The following SHROOM3 variants were observed in gnomAD, a reference collection of about 807,000 sequenced individuals.
SHROOM3 encodes protein Shroom3.
In SHROOM3, 47 loss-of-function variants were observed where a neutral mutation model predicts 138.6. The observed-to-expected ratio is 0.34, with a 90% confidence interval of 0.27 to 0.43. SHROOM3 has a LOEUF of 0.43. SHROOM3 is among the 20% of genes least tolerant of loss of function. The probability of loss-of-function intolerance (pLI) is 1.00; values close to 1 mark genes in which losing one functional copy is unlikely to be tolerated. For synonymous variants in SHROOM3, 1,062 were observed against 1,063.3 expected, an observed-to-expected ratio of 1.00 and a Z score of 0.02; for missense variants, 2,491 against 2,596.5, an observed-to-expected ratio of 0.96 and a Z score of 0.88.
intron 9 of SHROOM3, 123 bp from the exon 10 acceptor site, chr4:76,770,503 T>C: frequency 1.7e-6 from 2 of 1,181,356 alleles, no homozygotes; most frequent in African/African-American, 1.5e-5. Flanking sequence ...ACACTCCATA[T>C]AGAGAAGGGG....
intron 2 of SHROOM3, among the ~76,000 whole-genome samples, chr4:76,641,453 C>G (rs1378734803): frequency 2.0e-5 from 3 of 152,074 alleles, no homozygotes; most frequent in African/African-American, 7.2e-5. Flanking sequence ...GGCCTGTATG[C>G]CCATAGGAAG....
intron 2 of SHROOM3, among the ~76,000 whole-genome samples, chr4:76,575,903 C>T (rs1036259038): frequency 6.6e-6 from 1 of 152,082 alleles, no homozygotes; most frequent in African/African-American, 2.4e-5. Flanking sequence ...TGCTCAACAT[C>T]ATTGATTATT....
chr4:76,444,344 G>C (rs996574199), intron 1 of SHROOM3, among the ~76,000 whole-genome samples: 1 of 150,902 alleles, frequency 6.6e-6, no homozygotes, highest in Admixed American at 6.6e-5. Flanking sequence ...ATAGAAAAAA[G>C]CTTACATCCC....
At chr4:76,692,427 A>G (rs1017181457) in intron 2 of SHROOM3, among the ~76,000 whole-genome samples, 1 of 152,242 alleles carries the variant, frequency 6.6e-6, no homozygotes, top group Admixed American at 6.5e-5. Flanking sequence ...TGCCATTCTG[A>G]AGGTGTAGAG....
In SHROOM3 at chr4:76,739,030, T is replaced by C; in HGVS notation, c.857T>C (p.Met286Thr). Residue 286 changes from methionine to threonine, a missense_variant, in exon 5 of 11, where the codon ATG becomes ACG. Around this residue, in one of 4 missense-constraint regions of SHROOM3, gnomAD observed 1,733 missense variants for 1,661.6 expected, o/e 1.04. Transcript: ENST00000296043. Reference protein sequence around the residue: ...GISGRERSGSMDNTSARGGLL... With the variant: ...GISGRERSGSTDNTSARGGLL... ...TCTGGCCGGGAGCGTTCAGGCTCCATGGACAATACTTCTGCTCGAGGTGGC... is the reference window on the plus strand; with the variant it reads ...TCTGGCCGGGAGCGTTCAGGCTCCACGGACAATACTTCTGCTCGAGGTGGC... The C allele has an allele frequency of 6.2e-7, 1 of 1,614,226 alleles. No homozygotes were observed. The highest frequency in any genetic ancestry group is 8.5e-7 in the Non-Finnish European group (1 of 1,180,032).
intron 10 of SHROOM3, among the ~76,000 whole-genome samples, chr4:76,777,389 T>C (rs548767793): frequency 2.0e-5 from 3 of 152,252 alleles, no homozygotes; most frequent in Non-Finnish European, 4.4e-5. Flanking sequence ...TTGATTTTAT[T>C]CTCAGCTTGG....
chr4:76,721,267 C>T (rs1158370641), intron 3 of SHROOM3, among the ~76,000 whole-genome samples: 2 of 151,172 alleles, frequency 1.3e-5, no homozygotes, highest in Non-Finnish European at 2.9e-5. Context: ...GCCGAGATCC[C>T]GCCACTGCAC....
intron 4 of SHROOM3, among the ~76,000 whole-genome samples, chr4:76,731,696 G>A (rs112816706): frequency 6.6e-6 from 1 of 151,736 alleles, no homozygotes; most frequent in African/African-American, 2.4e-5. Context: ...CAGAAGAATC[G>A]CTTGAACCCG....
Position 76,646,378 on chromosome 4 carries a change from C to G in SHROOM3, c.324-63778C>G, listed in dbSNP as rs116770836. ...CAGAAAACATCGAATAGTTTTTATA[C>G]TTTACCACCTTCCAATCTTTAAGAA... is the stretch of plus-strand genomic sequence containing the variant. On this transcript the variant is annotated intron_variant, in intron 2 of 10. Transcript: ENST00000296043. 7.1e-3 allele frequency among the ~76,000 whole-genome samples: 1,079 copies of G among 151,798 alleles called. 10 individuals carry two copies. The highest frequency in any genetic ancestry group is 0.025 in the African/African-American group (1,036 of 41,366).
intron 2 of SHROOM3, among the ~76,000 whole-genome samples, chr4:76,631,017 G>A (rs1036669653): frequency 2.6e-5 from 4 of 152,042 alleles, no homozygotes; most frequent in Non-Finnish European, 4.4e-5. Flanking sequence ...GATAGATGAG[G>A]TATTTGTTTT....
intron 1 of SHROOM3, among the ~76,000 whole-genome samples, chr4:76,460,866 C>T (rs1446965521): frequency 7.1e-6 from 1 of 140,006 alleles, no homozygotes; most frequent in African/African-American, 2.6e-5. Context: ...TGGTAGTATG[C>T]CCCTGTAGTC....
At chr4:76,470,548 G>A (rs76021460) in intron 1 of SHROOM3, among the ~76,000 whole-genome samples, 9,330 of 152,174 alleles carry the variant, frequency 0.061, 408 homozygotes, top group Non-Finnish European at 0.093. Flanking sequence ...GATGGGGTGA[G>A]AGTTTTTCAC....
At chr4:76,668,569 G>A (rs1192444505) in intron 2 of SHROOM3, among the ~76,000 whole-genome samples, 1 of 151,642 alleles carries the variant, frequency 6.6e-6, no homozygotes, top group African/African-American at 2.4e-5. Context: ...GCAAAACTCC[G>A]CCTCAAAACA....
intron 1 of SHROOM3, among the ~76,000 whole-genome samples, chr4:76,451,537 C>T (rs904037291): frequency 2.0e-4 from 30 of 152,234 alleles, no homozygotes; most frequent in Admixed American, 1.0e-3. Flanking sequence ...GGATGATGTG[C>T]GCTAGTGCCC....
chr4:76,646,524 T>C (rs558517814), intron 2 of SHROOM3, among the ~76,000 whole-genome samples: 1 of 152,244 alleles, frequency 6.6e-6, no homozygotes, highest in East Asian at 1.9e-4. Context: ...TCTTCTTTGA[T>C]ATGCCCTAAA....
At chr4:76,697,819 A>G (rs565529803) in intron 2 of SHROOM3, among the ~76,000 whole-genome samples, 10 of 152,330 alleles carry the variant, frequency 6.6e-5, no homozygotes, top group African/African-American at 2.2e-4. Flanking sequence ...ACTTTGTGGT[A>G]TGTATGTCAG....
At chr4:76,563,912 T>A (rs1008411116) in intron 2 of SHROOM3, among the ~76,000 whole-genome samples, 1 of 152,158 alleles carries the variant, frequency 6.6e-6, no homozygotes, top group Non-Finnish European at 1.5e-5. Flanking sequence ...TGTGGTTAAC[T>A]CCTGTATGAA....
At chr4:76,477,121 C>A (rs1731500917) in intron 1 of SHROOM3, among the ~76,000 whole-genome samples, 1 of 152,146 alleles carries the variant, frequency 6.6e-6, no homozygotes. Flanking sequence ...GTGCCCACCA[C>A]CACGCCCGGC....
intron 1 of SHROOM3, among the ~76,000 whole-genome samples, chr4:76,527,279 A>T (rs1350503663): frequency 1.3e-5 from 2 of 152,170 alleles, no homozygotes; most frequent in Admixed American, 1.3e-4. Flanking sequence ...CTCAGTGAAT[A>T]ACCTTCTAGA....
Sources: allele counts gnomAD v4.1 joint callset (sites outside exome capture counted in the v4.1 genomes callset), GRCh38; gene constraint gnomAD v4.1.1; regional missense constraint gnomAD v4.1.1; transcripts MANE v1.5; gene names NCBI Gene and HGNC (gene_info 2026-07-23, HGNC 2026-07-21).